Variants in SH3KBP1 observed in about 807,000 individuals in gnomAD.
SH3KBP1 encodes SH3 domain containing kinase binding protein 1, also known as SH3 domain-containing kinase-binding protein 1.
A neutral mutation model predicts 50.1 loss-of-function variants in SH3KBP1; 8 were observed. The observed-to-expected ratio is 0.16, with a 90% CI of 0.09 to 0.29. The LOEUF is 0.29. Among genes scored for constraint, SH3KBP1 ranks in the 10% least tolerant of loss-of-function variants. SH3KBP1 has a pLI of 1.00. For missense variants in SH3KBP1, 377 were observed against 535.2 expected, an observed-to-expected ratio of 0.70 and a Z score of 2.92; for synonymous variants, 227 against 218.6, an observed-to-expected ratio of 1.04 and a Z score of -0.34.
chrX:19,774,845 A>G lies in SH3KBP1; in HGVS notation c.163-28404T>C, dbSNP rs186758567. Among the ~76,000 whole-genome samples, 4 of 111,113 alleles carry G rather than the reference A, an allele frequency of 3.6e-5. No individual in the cohort carries two copies. In the Admixed American group the frequency reaches 3.8e-4, roughly 11 times the overall value. ...ATTATATTCTTTAAATTACAGAGAA[A>G]TCCAAAAAGGTTTAACTAGACAAAA... On this transcript the variant is annotated intron_variant, in intron 2 of 17. Coordinates refer to ENST00000397821, the MANE Select transcript of SH3KBP1 (RefSeq NM_031892.3).
intron 8 of SH3KBP1, among the ~76,000 whole-genome samples, chrX:19,615,295 T>A (rs1272728703): frequency 8.9e-6 from 1 of 112,384 alleles, no homozygotes. Flanking sequence ...AAAAGAAATG[T>A]ATTCTGCTCA....
intron 5 of SH3KBP1, among the ~76,000 whole-genome samples, chrX:19,692,586 T>TATATACACACACATATAC (rs1187407439): frequency 3.4e-4 from 37 of 107,694 alleles, no homozygotes; most frequent in African/African-American, 1.2e-3. Context: ...CACACACATA[T>TATATACACACACATATAC]ATATACACAC....
chrX:19,635,905 A>C (rs1003838976), intron 7 of SH3KBP1, among the ~76,000 whole-genome samples: 2 of 112,109 alleles, frequency 1.8e-5, no homozygotes, highest in African/African-American at 6.5e-5. Context: ...TTTCAGAGAA[A>C]GGCAAGATTA....
intron 6 of SH3KBP1, among the ~76,000 whole-genome samples, chrX:19,674,507 T>C (rs1886833970): frequency 9.0e-6 from 1 of 111,525 alleles, no homozygotes; most frequent in Admixed American, 9.5e-5. Flanking sequence ...AATGGAAGAG[T>C]GAATCTTAGC....
rs760564037 is a variant in SH3KBP1 at position 19,853,960 on chromosome X, T to C, written c.5-17678A>G. On this transcript the variant is annotated intron_variant, in intron 1 of 17. Coordinates refer to ENST00000397821, the MANE Select transcript of SH3KBP1 (RefSeq NM_031892.3). ...CTGGGCAAGAGAGAACGAAACTCCA[T>C]CTAAAAAAAAAAACAACAGCCAGAA... is the stretch of plus-strand genomic sequence containing the variant. 7.7e-5 allele frequency among the ~76,000 whole-genome samples: 8 copies of C among 104,051 alleles called. No homozygotes were observed. In the South Asian group the frequency reaches 1.4e-3, roughly 18 times the overall value. The allele number at this position is 104,051 out of a possible 115,157, so 90.4% of individuals were successfully genotyped here. A position where few individuals can be genotyped will look rare whatever the true frequency, so the allele number is the denominator to read the frequency against.
intron 5 of SH3KBP1, among the ~76,000 whole-genome samples, chrX:19,687,105 C>T (rs1366733840): frequency 1.8e-5 from 2 of 112,939 alleles, no homozygotes; most frequent in Non-Finnish European, 3.7e-5. Context: ...AAAAAGTCTG[C>T]CATGTGGTGA....
intron 2 of SH3KBP1, among the ~76,000 whole-genome samples, chrX:19,770,809 C>A (rs754895241): frequency 9.0e-6 from 1 of 110,559 alleles, no homozygotes; most frequent in African/African-American, 3.3e-5. Context: ...CGATATTGAG[C>A]TTTTTTTCAT....
chrX:19,624,667 CT>C (rs1199649029), intron 8 of SH3KBP1, among the ~76,000 whole-genome samples: 2 of 111,996 alleles, frequency 1.8e-5, no homozygotes, highest in Admixed American at 9.5e-5. Flanking sequence ...TCCCAGTGTC[CT>C]GGCTACTTAT....
At chrX:19,858,067 T>G (rs2068695024) in intron 1 of SH3KBP1, among the ~76,000 whole-genome samples, 1 of 110,055 alleles carries the variant, frequency 9.1e-6, no homozygotes. Context: ...TAATCCCAGC[T>G]ACTCAGGAAA....
chrX:19,657,712 G>GC (rs2062324133), intron 6 of SH3KBP1, among the ~76,000 whole-genome samples: 1 of 108,963 alleles, frequency 9.2e-6, no homozygotes, highest in South Asian at 3.9e-4. Flanking sequence ...TGGCAACAGA[G>GC]CGAGACTCCA....
rs186749024 is a variant in SH3KBP1, at chrX:19,833,576, C to T, written c.162+2549G>A. On this transcript the variant is annotated intron_variant, in intron 2 of 17. Transcript: ENST00000397821. ...ATCCTTCTCCCCTTCCCACAGTCCT[C>T]CTTCCTAGGGTCCTCCTCCCTCTTT... is the stretch of plus-strand genomic sequence containing the variant. Among the ~76,000 whole-genome samples the T allele has an allele frequency of 1.8e-4, 19 of 107,950 alleles. No individual in the cohort carries two copies. The East Asian group carries it at 4.2e-3, about 24-fold the overall frequency. The allele number at this position is 107,950 out of a possible 115,157, so 93.7% of individuals were successfully genotyped here. A position where few individuals can be genotyped will look rare whatever the true frequency, so the allele number is the denominator to read the frequency against.
chrX:19,783,324 C>T (rs1478748616), intron 2 of SH3KBP1, among the ~76,000 whole-genome samples: 1 of 112,217 alleles, frequency 8.9e-6, no homozygotes, highest in Non-Finnish European at 1.9e-5. Context: ...TATTTCAATA[C>T]ATATATACAA....
At chrX:19,721,165 T>C (rs1282238964) in intron 3 of SH3KBP1, among the ~76,000 whole-genome samples, 4 of 111,505 alleles carry the variant, frequency 3.6e-5, no homozygotes, top group Non-Finnish European at 7.5e-5. Context: ...TGGGAGTTTA[T>C]ATCCCTGCAA....
chrX:19,866,949 G>A lies in SH3KBP1; in HGVS notation c.4+20358C>T, dbSNP rs185101550. 4.9e-3 allele frequency among the ~76,000 whole-genome samples: 535 copies of A among 110,192 alleles called. 2 individuals carry two copies. The highest frequency in any genetic ancestry group is 7.9e-3 in the Non-Finnish European group (416 of 52,692). On this transcript the variant is annotated intron_variant, in intron 1 of 17. Transcript: ENST00000397821. Reference sequence around the variant, plus strand: ...AAAACTGAGTAGTGCTGGCTTTCTCGGTCGCCTCAACCATAGCCAACATGC... The same window carrying A: ...AAAACTGAGTAGTGCTGGCTTTCTCAGTCGCCTCAACCATAGCCAACATGC...
intron 1 of SH3KBP1, among the ~76,000 whole-genome samples, chrX:19,879,215 A>G (rs974845052): frequency 8.9e-6 from 1 of 112,632 alleles, no homozygotes; most frequent in African/African-American, 3.2e-5. Context: ...ACTGCACTCC[A>G]GCCTGAGCAA....
Position 19,852,636 on chromosome X carries a change from G to GAAAAAAAAAAAAA in SH3KBP1, c.5-16367_5-16355dup, listed in dbSNP as rs760707711. On this transcript the variant is annotated intron_variant, in intron 1 of 17. Coordinates refer to ENST00000397821, the MANE Select transcript of SH3KBP1 (RefSeq NM_031892.3). ...ATGTTCCAGATACTGTAGCTGCACA[G>GAAAAAAAAAAAAA]AAAAAAAAAAAAAAAAAAAAATCCA... is the stretch of plus-strand genomic sequence containing the variant. Among the ~76,000 whole-genome samples, 80 of 51,931 alleles carry GAAAAAAAAAAAAA rather than the reference G, an allele frequency of 1.5e-3. 2 individuals are homozygous for GAAAAAAAAAAAAA. Among genetic ancestry groups the GAAAAAAAAAAAAA allele is most frequent in the African/African-American group, 5.2e-3 (77 of 14,943 alleles). 45.1% of individuals were successfully genotyped at this position (51,931 alleles called of 115,157 possible).
intron 8 of SH3KBP1, among the ~76,000 whole-genome samples, chrX:19,613,748 G>A (rs1336064894): frequency 1.8e-5 from 2 of 112,199 alleles, no homozygotes; most frequent in African/African-American, 3.2e-5. Context: ...CTTATAACAG[G>A]GAACTCACTT....
intron 12 of SH3KBP1, among the ~76,000 whole-genome samples, chrX:19,575,578 G>C (rs2066173638): frequency 9.0e-6 from 1 of 111,509 alleles, no homozygotes; most frequent in South Asian, 3.7e-4. Flanking sequence ...ACCAGACACA[G>C]GCTTAAGTTG....
rs1018485640 is a variant in SH3KBP1 at position 19,596,180 on chromosome X, G to A, written c.1006-1180C>T. Among the ~76,000 whole-genome samples the A allele has an allele frequency of 2.7e-5, 3 of 111,474 alleles. No homozygotes were observed. In the East Asian group the frequency reaches 8.4e-4, roughly 31 times the overall value. ...TGCCAGTTAACCTTCCTTTACCTCG[G>A]AATCAGAGTACAGGCATACCTCAGA... On this transcript the variant is annotated intron_variant, in intron 9 of 17. Transcript: ENST00000397821.
Sources: allele counts gnomAD v4.1 joint callset (sites outside exome capture counted in the v4.1 genomes callset), GRCh38; gene constraint gnomAD v4.1.1; transcripts MANE v1.5; gene names NCBI Gene and HGNC (gene_info 2026-07-23, HGNC 2026-07-21).